The following YKT6 variants were observed in gnomAD, a reference collection of about 807,000 sequenced individuals.
YKT6 encodes YKT6 vesicular SNARE protein, also known as synaptobrevin homolog YKT6.
In YKT6, 12 loss-of-function variants were observed where a neutral mutation model predicts 29.3. The observed-to-expected ratio is 0.41, with a 90% confidence interval of 0.26 to 0.66. The LOEUF (loss-of-function observed/expected upper bound fraction) is 0.66. Among genes scored for constraint, YKT6 ranks in the 30% least tolerant of loss-of-function variants. The probability of loss-of-function intolerance (pLI) is 0.32; values close to 1 mark genes in which losing one functional copy is unlikely to be tolerated. For missense variants in YKT6, 188 were observed against 243.8 expected, an observed-to-expected ratio of 0.77 and a Z score of 1.52; for synonymous variants, 86 against 94.3, an observed-to-expected ratio of 0.91 and a Z score of 0.51.
Position 44,201,011 on chromosome 7 carries a change from G to C in YKT6, c.-125G>C, listed in dbSNP as rs377640415. Reference sequence around the variant, plus strand: ...AGCCAGGAGGAGGAAGCCGGCGGTGGCCCCGTCAGCAGCCGGCTGCTGAGA... The same window carrying C: ...AGCCAGGAGGAGGAAGCCGGCGGTGCCCCCGTCAGCAGCCGGCTGCTGAGA... On this transcript the variant is annotated 5_prime_UTR_variant, in exon 1 of 7. Transcript: ENST00000223369. 2 of 705,658 alleles carry C rather than the reference G, an allele frequency of 2.8e-6. No individual in the cohort carries two copies. Among genetic ancestry groups the C allele is most frequent in the African/African-American group, 1.9e-5 (1 of 51,902 alleles). 43.7% of individuals were successfully genotyped at this position (705,658 alleles called of 1,614,324 possible).
At chr7:44,205,846 C>T (rs1044289386) in intron 2 of YKT6, among the ~76,000 whole-genome samples, 1 of 152,218 alleles carries the variant, frequency 6.6e-6, no homozygotes, top group Non-Finnish European at 1.5e-5. Flanking sequence ...GACTAACCCC[C>T]CTACTCCCAG....
rs199843184 is a variant in YKT6, at chr7:44,204,611, C to G, written c.148C>G (p.Arg50Gly). ...MTFTSQLIVE[R>G]SSKGTRASVK... is the part of the protein sequence containing the mutation. ...CTTCACGAGTCAACTGATTGTGGAGCGCTCATCGAAAGGCACTAGAGCTTC... is the reference window on the plus strand; with the variant it reads ...CTTCACGAGTCAACTGATTGTGGAGGGCTCATCGAAAGGCACTAGAGCTTC... Residue 50 changes from arginine (R) to glycine (G), a missense_variant, in exon 2 of 7, where the codon CGC becomes GGC. Arg to Gly is a moderately radical substitution (Grantham distance 125). Around this residue, in one of 3 missense-constraint regions of YKT6, gnomAD observed 71 missense variants for 67.3 expected, o/e 1.05. Transcript: ENST00000223369. The G allele has an allele frequency of 6.2e-7, 1 of 1,614,064 alleles. No individual in the cohort carries two copies. Among genetic ancestry groups the G allele is most frequent in the Non-Finnish European group, 8.5e-7 (1 of 1,180,028 alleles).
intron 3 of YKT6, 48 bp downstream of exon 3, chr7:44,206,533 A>T (rs745862318): frequency 6.6e-7 from 1 of 1,513,306 alleles, no homozygotes; most frequent in Non-Finnish European, 9.2e-7. Context: ...GAATGGGCAC[A>T]TTTATGGACT....
intron 4 of YKT6, 113 bp from the exon 5 acceptor site, chr7:44,208,020 G>T (rs907498194): frequency 3.5e-6 from 4 of 1,132,334 alleles, no homozygotes; most frequent in Non-Finnish European, 5.2e-6. Flanking sequence ...CACTGTGCCC[G>T]GCCCAGGCTG....
rs998196631 is a variant in YKT6 at position 44,204,586 on chromosome 7, C to T, written c.123C>T (p.Thr41=). ...TTCTTAGCGTTCAGGAATTCATGACCTTCACGAGTCAACTGATTGTGGAGC... is the reference window on the plus strand; with the variant it reads ...TTCTTAGCGTTCAGGAATTCATGACTTTCACGAGTCAACTGATTGTGGAGC... The part of the protein sequence containing the change: ...FQRSSVQEFM[T]FTSQLIVERS... Residue 41 remains threonine, a synonymous_variant, in exon 2 of 7, where the codon ACC becomes ACT. Coordinates refer to ENST00000223369, the MANE Select transcript of YKT6 (RefSeq NM_006555.4). 8 of 1,614,034 alleles carry T rather than the reference C, an allele frequency of 5.0e-6. No individual in the cohort carries two copies. In the African/African-American group the frequency reaches 8.0e-5, roughly 16 times the overall value.
At position 44,212,241 on chromosome 7, in the gene YKT6, T is replaced by C. The variant is rs1032812432; in HGVS notation, c.562-6T>C. The C allele has an allele frequency of 2.5e-6, 4 of 1,613,972 alleles. No individual in the cohort carries two copies. In the African/African-American group the frequency reaches 4.0e-5, roughly 16 times the overall value. ...CCTTCTCAGCTCCTCTTTGTTTTTT[T>C]CCAAGGCCCGGAAACAAAACTCATG... On this transcript the variant is annotated splice_region_variant and splice_polypyrimidine_tract_variant and intron_variant, in intron 6 of 6. Transcript: ENST00000223369.
In YKT6 at chr7:44,211,005, C is replaced by CT. The variant is rs1374739969; in HGVS notation, c.460-14dup. The CT allele has an allele frequency of 2.5e-6, 4 of 1,613,264 alleles. No individual in the cohort carries two copies. In the African/African-American group the frequency reaches 4.0e-5, roughly 16 times the overall value. ...CACGTACTGAACAGAGCTGGATTCT[C>CT]TTTTCTTTTTTGTCCAGCACAACAC... On this transcript the variant is annotated splice_polypyrimidine_tract_variant and intron_variant, in intron 5 of 6. Transcript: ENST00000223369.
At chr7:44,208,020 G>C (rs907498194) in intron 4 of YKT6, 113 bp from the exon 5 acceptor site, 1 of 1,132,330 alleles carries the variant, frequency 8.8e-7, no homozygotes, top group Admixed American at 2.0e-5. Context: ...CACTGTGCCC[G>C]GCCCAGGCTG....
intron 1 of YKT6, among the ~76,000 whole-genome samples, chr7:44,201,764 G>C (rs2096336005): frequency 1.3e-5 from 2 of 152,238 alleles, no homozygotes; most frequent in Admixed American, 1.3e-4. Flanking sequence ...TTTCTTGCGG[G>C]GCTTCCCAAC....
intron 2 of YKT6, among the ~76,000 whole-genome samples, chr7:44,205,972 G>A (rs2096340413): frequency 6.6e-6 from 1 of 152,180 alleles, no homozygotes; most frequent in Non-Finnish European, 1.5e-5. Context: ...GAAAGCAGAG[G>A]CCTCTTGGCT....
chr7:44,208,585 G>T (rs2096343414), intron 5 of YKT6: 2 of 255,780 alleles, frequency 7.8e-6, no homozygotes, highest in Admixed American at 9.7e-5. Context: ...TGCAGCGTTT[G>T]CATTGAAGGT....
intron 6 of YKT6, 113 bp from the exon 7 acceptor site, chr7:44,212,134 A>G: frequency 1.6e-6 from 2 of 1,278,962 alleles, no homozygotes; most frequent in Non-Finnish European, 2.3e-6. Flanking sequence ...TTCTAGTGCT[A>G]GTTTCTCTGC....
chr7:44,208,255 T>G lies in YKT6; in HGVS notation c.459+57T>G, dbSNP rs375013259. The G allele has an allele frequency of 2.0e-4, 317 of 1,565,428 alleles. 2 individuals carry two copies. In the African/African-American group the frequency reaches 3.7e-3, roughly 18 times the overall value. ...ACTGAGGCGGGGGTGCGATTTCCAC[T>G]GGCCAGGCATGCACAGATCCATCCT... On this transcript the variant is annotated intron_variant, in intron 5 of 6. Transcript: ENST00000223369.
At chr7:44,211,773 G>C (rs1178472202) in intron 6 of YKT6, among the ~76,000 whole-genome samples, 1 of 152,220 alleles carries the variant, frequency 6.6e-6, no homozygotes, top group African/African-American at 2.4e-5. Context: ...AAGCAAGAGA[G>C]AAGGTGGCAA....
At chr7:44,204,248 T>C (rs1486964796) in intron 1 of YKT6, among the ~76,000 whole-genome samples, 2 of 152,222 alleles carry the variant, frequency 1.3e-5, no homozygotes, top group Admixed American at 6.5e-5. Flanking sequence ...GAGCAGGACC[T>C]GCCTCTTGTT....
chr7:44,209,980 TAAAAGG>T (rs917884980), intron 5 of YKT6, among the ~76,000 whole-genome samples: 21 of 152,252 alleles, frequency 1.4e-4, no homozygotes, highest in African/African-American at 4.8e-4. Context: ...TTTAAAATGA[TAAAAGG>T]AAAATAGGTA....
rs1472640335 is a variant in YKT6 at position 44,214,023 on chromosome 7, A to G, written c.*1741A>G. ...CCTTTCCCACTTGAGGACCCTGGGGAGAGATGGGGGCGGGGAAAATGGAGG... is the reference window on the plus strand; with the variant it reads ...CCTTTCCCACTTGAGGACCCTGGGGGGAGATGGGGGCGGGGAAAATGGAGG... On this transcript the variant is annotated 3_prime_UTR_variant, in exon 7 of 7. Transcript: ENST00000223369. 1 of 152,438 alleles carries G rather than the reference A, an allele frequency of 6.6e-6. No homozygotes were observed. The highest frequency in any genetic ancestry group is 1.9e-4 in the East Asian group (1 of 5,184). 9.4% of individuals were successfully genotyped at this position (152,438 alleles called of 1,614,324 possible).
intron 1 of YKT6, among the ~76,000 whole-genome samples, chr7:44,203,395 G>A (rs913271329): frequency 2.6e-5 from 4 of 152,182 alleles, no homozygotes; most frequent in African/African-American, 9.7e-5. Flanking sequence ...CGTCCGGCCT[G>A]AGCTTGTTTT....
intron 2 of YKT6, 66 bp from the exon 3 acceptor site, chr7:44,206,319 G>A: frequency 2.0e-6 from 3 of 1,513,832 alleles, no homozygotes; most frequent in Non-Finnish European, 2.7e-6. Context: ...CTTTGATTTG[G>A]GGGGATTAAA....
Sources: allele counts gnomAD v4.1 joint callset (sites outside exome capture counted in the v4.1 genomes callset), GRCh38; gene constraint gnomAD v4.1.1; regional missense constraint gnomAD v4.1.1; transcripts MANE v1.5; gene names NCBI Gene and HGNC (gene_info 2026-07-23, HGNC 2026-07-21).